Variants in SCLT1 observed in about 807,000 individuals in gnomAD.
SCLT1 encodes sodium channel-associated protein 1.
In SCLT1, 78 loss-of-function variants were observed where a neutral mutation model predicts 112.8. The ratio of observed to expected loss-of-function variants is 0.69; its 90% CI spans 0.58 to 0.83. The LOEUF (loss-of-function observed/expected upper bound fraction) is 0.83. SCLT1 is among the 40% of genes least tolerant of loss of function. The pLI, the probability that SCLT1 is intolerant of heterozygous loss-of-function variation, is 0.00. For synonymous variants in SCLT1, 257 were observed against 254.7 expected, an observed-to-expected ratio of 1.01 and a Z score of -0.09; for missense variants, 747 against 770.4, an observed-to-expected ratio of 0.97 and a Z score of 0.36.
intron 1 of SCLT1, among the ~76,000 whole-genome samples, 169 bp downstream of exon 1, chr4:129,092,901 T>G (rs1752977612): frequency 6.6e-6 from 1 of 152,186 alleles, no homozygotes; most frequent in South Asian, 2.1e-4. Flanking sequence ...TCTGCTTAAA[T>G]ATACACACAT....
chr4:128,943,575 G>A (rs538659143), intron 16 of SCLT1, among the ~76,000 whole-genome samples: 1 of 152,170 alleles, frequency 6.6e-6, no homozygotes, highest in Admixed American at 6.5e-5. Context: ...AAACTCCATG[G>A]ACTAACACAA....
chr4:129,013,802 T>C (rs1465152417), intron 5 of SCLT1, among the ~76,000 whole-genome samples: 1 of 152,188 alleles, frequency 6.6e-6, no homozygotes, highest in Non-Finnish European at 1.5e-5. Flanking sequence ...GATCTTCTTC[T>C]AACTTATCTA....
intron 1 of SCLT1, among the ~76,000 whole-genome samples, chr4:129,086,701 G>A (rs568772082): frequency 3.9e-5 from 6 of 152,168 alleles, no homozygotes; most frequent in South Asian, 4.1e-4. Context: ...ACTGACAAGC[G>A]CAGAAGGACT....
chr4:129,017,195 G>C (rs1055624090), intron 5 of SCLT1, among the ~76,000 whole-genome samples: 1 of 150,100 alleles, frequency 6.7e-6, no homozygotes, highest in South Asian at 2.1e-4. Flanking sequence ...GTTTTTTTGT[G>C]GGGGGGGAAT....
chr4:129,087,483 AG>A, intron 1 of SCLT1, among the ~76,000 whole-genome samples: 1 of 151,686 alleles, frequency 6.6e-6, no homozygotes. Flanking sequence ...AATATTGGGA[AG>A]GAAAAAAAAA....
chr4:129,082,380 C>T lies in SCLT1; in HGVS notation c.35-7G>A. On this transcript the variant is annotated splice_region_variant and splice_polypyrimidine_tract_variant and intron_variant, in intron 1 of 20. Coordinates refer to ENST00000281142, the MANE Select transcript of SCLT1 (RefSeq NM_144643.4). ...TCTTCATTTAGTCTTCGATCTGAAA[C>T]AAGCGGGAAAACAGATTTCAGTTCA... 4 of 1,576,712 alleles carry T rather than the reference C, an allele frequency of 2.5e-6. No homozygotes were observed. Among genetic ancestry groups the T allele is most frequent in the Non-Finnish European group, 2.6e-6 (3 of 1,157,570 alleles).
Position 128,996,573 on chromosome 4 carries a change from TTTATACTTATCAGTC to T in SCLT1, c.615+1286_615+1300del, listed in dbSNP as rs527828427. ...AGATCTTATCACTTTGCTTGCTCCCTTTATACTTATCAGTCTTGTTTGCTATTCATTATATACATT... is the reference window on the plus strand; with the variant it reads ...AGATCTTATCACTTTGCTTGCTCCCTTTGTTTGCTATTCATTATATACATT... On this transcript the variant is annotated intron_variant, in intron 8 of 20. Coordinates refer to ENST00000281142, the MANE Select transcript of SCLT1 (RefSeq NM_144643.4). Among the ~76,000 whole-genome samples, 24 of 152,278 alleles carry T rather than the reference TTTATACTTATCAGTC, an allele frequency of 1.6e-4. 1 individual carries two copies. The South Asian group carries it at 5.0e-3, about 32-fold the overall frequency.
chr4:129,065,899 C>G (rs1372070605), intron 2 of SCLT1, among the ~76,000 whole-genome samples: 1 of 151,940 alleles, frequency 6.6e-6, no homozygotes, highest in East Asian at 1.9e-4. Flanking sequence ...AAAATAGCAA[C>G]AGACAAAATT....
intron 5 of SCLT1, among the ~76,000 whole-genome samples, chr4:129,033,916 T>C (rs542154526): frequency 9.5e-4 from 144 of 152,250 alleles, no homozygotes; most frequent in Non-Finnish European, 1.5e-3. Context: ...TTATTAAAAA[T>C]AGATATTTAA....
chr4:128,891,207 A>C, intron 18 of SCLT1, 70 bp from the exon 19 acceptor site: 1 of 1,153,990 alleles, frequency 8.7e-7, no homozygotes, highest in Non-Finnish European at 1.3e-6. Flanking sequence ...TATTAGCAAG[A>C]TACATGTTCA....
At position 128,959,756 on chromosome 4, in the gene SCLT1, TTCTTGGATTG is replaced by T; in HGVS notation, c.881_890del (p.Thr294LysfsTer5). On this transcript the variant is annotated frameshift_variant, in exon 12 of 21. Coordinates refer to ENST00000281142, the MANE Select transcript of SCLT1 (RefSeq NM_144643.4). LOFTEE classifies it high-confidence loss of function. ...TATTTTCGGTTCTTAATTGGTTGGC[TTCTTGGATTG>T]TCACACATAATCTAGAAATCAATAA... 7 of 1,613,354 alleles carry T rather than the reference TTCTTGGATTG, an allele frequency of 4.3e-6. No homozygotes were observed. Among genetic ancestry groups the T allele is most frequent in the Non-Finnish European group, 5.9e-6 (7 of 1,179,664 alleles).
In SCLT1 at chr4:129,043,378, T is replaced by A; in HGVS notation, c.234+17A>T. The A allele has an allele frequency of 8.0e-7, 1 of 1,257,180 alleles. No homozygotes were observed. Among genetic ancestry groups the A allele is most frequent in the Non-Finnish European group, 1.1e-6 (1 of 872,516 alleles). The allele number at this position is 1,257,180 out of a possible 1,614,324, so 77.9% of individuals were successfully genotyped here. A position where few individuals can be genotyped will look rare whatever the true frequency, so the allele number is the denominator to read the frequency against. On this transcript the variant is annotated intron_variant, in intron 4 of 20. Coordinates refer to ENST00000281142, the MANE Select transcript of SCLT1 (RefSeq NM_144643.4). ...ATAATAAAATATTACAAAAGCCTCA[T>A]AACTATGATTTCATACCTGGTAATA...
chr4:129,027,597 T>G (rs1180983023), intron 5 of SCLT1, among the ~76,000 whole-genome samples: 2 of 152,096 alleles, frequency 1.3e-5, no homozygotes, highest in Non-Finnish European at 2.9e-5. Context: ...ACTGGAAGCA[T>G]TCCCTTTGAA....
At chr4:128,888,825 A>C in intron 19 of SCLT1, 51 bp from the exon 20 acceptor site, 1 of 1,124,076 alleles carries the variant, frequency 8.9e-7, no homozygotes, top group Non-Finnish European at 1.3e-6. Flanking sequence ...TGACATGGAG[A>C]TGTTTTGTGG....
At position 128,946,053 on chromosome 4, in the gene SCLT1, G is replaced by C; in HGVS notation, c.1393C>G (p.Leu465Val). 1 of 1,611,456 alleles carries C rather than the reference G, an allele frequency of 6.2e-7. No homozygotes were observed. The highest frequency in any genetic ancestry group is 8.5e-7 in the Non-Finnish European group (1 of 1,177,972). ...VSERSKDDLQ[L>V]RLTRAENRIK... The stretch of plus-strand genomic sequence containing the variant: ...CTATTTTCTGCTCTCGTAAGTCTTA[G>C]CTGAAGATCATCTTTTGAACGCTCT... The change falls in exon 16 of 21, where the codon CTA becomes GTA. Residue 465 changes from leucine to valine, a missense_variant. Coordinates refer to ENST00000281142, the MANE Select transcript of SCLT1 (RefSeq NM_144643.4).
In SCLT1 at chr4:129,003,792, T is replaced by A; in HGVS notation, c.375A>T (p.Ala125=). 10 of 1,611,866 alleles carry A rather than the reference T, an allele frequency of 6.2e-6. No individual in the cohort carries two copies. The highest frequency in any genetic ancestry group is 8.5e-6 in the Non-Finnish European group (10 of 1,178,878). The change falls in exon 6 of 21, where the codon GCA becomes GCT. Residue 125 remains alanine (A), a synonymous_variant. Coordinates refer to ENST00000281142, the MANE Select transcript of SCLT1 (RefSeq NM_144643.4). ...GAAGGTTTCTGACTGTTTCATCATC[T>A]GCATATATGTCAGTTCCTACCTCTG... is the stretch of plus-strand genomic sequence containing the variant. ...LGTEVGTDIY[A]DDETVRNLQE...
At chr4:128,879,357 G>A (rs1404380348), downstream of SCLT1, among the ~76,000 whole-genome samples, 1 of 152,038 alleles carries the variant, frequency 6.6e-6, no homozygotes, top group Non-Finnish European at 1.5e-5. Flanking sequence ...CAAGCCTCCT[G>A]ACCCAGATGA....
intron 6 of SCLT1, among the ~76,000 whole-genome samples, 177 bp downstream of exon 6, chr4:129,003,564 T>C (rs1412566058): frequency 1.3e-5 from 2 of 152,090 alleles, no homozygotes; most frequent in African/African-American, 4.8e-5. Flanking sequence ...GGCAAGTACG[T>C]TTCTAACAGT....
chr4:129,004,982 G>C (rs1283844287), intron 5 of SCLT1, among the ~76,000 whole-genome samples: 1 of 151,380 alleles, frequency 6.6e-6, no homozygotes, highest in Non-Finnish European at 1.5e-5. Context: ...TTACCTAATA[G>C]AGAAAATGAT....
Sources: gnomAD v4.1 joint callset for allele counts (sites outside exome capture counted in the v4.1 genomes callset) on GRCh38, gnomAD v4.1.1 for gene constraint, MANE v1.5 for transcripts, NCBI Gene and HGNC (gene_info 2026-07-23, HGNC 2026-07-21) for gene names.